ZFP41: variants seen among roughly 807,000 people sequenced by gnomAD.
The protein encoded by ZFP41 is ZFP41 zinc finger protein.
ZFP41 carries 10 observed loss-of-function variants against 11.6 expected under a neutral mutation model. The ratio of observed to expected loss-of-function variants is 0.86; its 90% confidence interval spans 0.53 to 1.47. ZFP41 has a LOEUF of 1.47. Ranked by LOEUF, ZFP41 falls within the 40% of genes most tolerant of loss-of-function variation. The pLI, the probability that ZFP41 is intolerant of heterozygous loss-of-function variation, is 0.00. For synonymous variants in ZFP41, 123 were observed against 100.9 expected, an observed-to-expected ratio of 1.22 and a Z score of -1.31; for missense variants, 302 against 264.6, an observed-to-expected ratio of 1.14 and a Z score of -0.98.
Position 143,260,695 on chromosome 8 carries a change from G to A in ZFP41, c.*1821G>A. 1.1e-5 allele frequency: 2 copies of A among 189,496 alleles called. No homozygotes were observed. The highest frequency in any genetic ancestry group is 2.2e-5 in the Non-Finnish European group (2 of 90,222). The allele number at this position is 189,496 out of a possible 1,614,324, so 11.7% of individuals were successfully genotyped here. A position where few individuals can be genotyped will look rare whatever the true frequency, so the allele number is the denominator to read the frequency against. On this transcript the variant is annotated 3_prime_UTR_variant, in exon 3 of 3. Transcript: ENST00000330701. ...GGCACCACCCTCCCAGCCTCACGCG[G>A]CCACCCTGACCAGCAGGCACCATCC...
At chr8:143,256,192 A>T (rs1460135147) in intron 2 of ZFP41, among the ~76,000 whole-genome samples, 1 of 129,560 alleles carries the variant, frequency 7.7e-6, no homozygotes, top group East Asian at 2.4e-4. Flanking sequence ...GGTGTTAGTG[A>T]GATCAGGGCT....
In ZFP41 at chr8:143,247,096, C is replaced by T. The variant is rs1038725200; in HGVS notation, c.-201C>T. ...CAGTCCTGGTAGGGCCCGGGCGCGT[C>T]CGCGCTCTGCAGCGGGAGGTCCTCG... On this transcript the variant is annotated 5_prime_UTR_variant, in exon 1 of 3. Coordinates refer to ENST00000330701, the MANE Select transcript of ZFP41 (RefSeq NM_173832.6). 3.9e-5 allele frequency: 6 copies of T among 152,358 alleles called. No individual in the cohort carries two copies. Among genetic ancestry groups the T allele is most frequent in the African/African-American group, 1.2e-4 (5 of 41,452 alleles). The allele number at this position is 152,358 out of a possible 1,614,324, so 9.4% of individuals were successfully genotyped here. A position where few individuals can be genotyped will look rare whatever the true frequency, so the allele number is the denominator to read the frequency against.
intron 2 of ZFP41, chr8:143,253,065 G>A (rs541818631): frequency 6.6e-6 from 1 of 152,432 alleles, no homozygotes; most frequent in East Asian, 1.9e-4. Flanking sequence ...CGTGTGACGT[G>A]TGATCCTGGA....
In ZFP41 at chr8:143,261,038, G is replaced by A. The variant is rs545099191; in HGVS notation, c.*2164G>A. 7 of 152,480 alleles carry A rather than the reference G, an allele frequency of 4.6e-5. No homozygotes were observed. The highest frequency in any genetic ancestry group is 1.9e-4 in the East Asian group (1 of 5,186). 9.4% of individuals were successfully genotyped at this position (152,480 alleles called of 1,614,324 possible). On this transcript the variant is annotated 3_prime_UTR_variant, in exon 3 of 3. Coordinates refer to ENST00000330701, the MANE Select transcript of ZFP41 (RefSeq NM_173832.6). ...GAGAGGGGTGCTCCCAGCCAGCCCC[G>A]GAACCAGAGGTCTGGGGACGCAGCC...
chr8:143,253,753 C>T (rs754506504), intron 2 of ZFP41, among the ~76,000 whole-genome samples: 1 of 152,120 alleles, frequency 6.6e-6, no homozygotes, highest in Non-Finnish European at 1.5e-5. Context: ...GGGGACAGAT[C>T]CCTCGAGAAT....
At position 143,250,373 on chromosome 8, in the gene ZFP41, G is replaced by A. The variant is rs1363966562; in HGVS notation, c.530G>A (p.Gly177Glu). 1 of 1,614,038 alleles carries A rather than the reference G, an allele frequency of 6.2e-7. No homozygotes were observed. Among genetic ancestry groups the A allele is most frequent in the Non-Finnish European group, 8.5e-7 (1 of 1,180,034 alleles). Residue 177 changes from glycine to glutamate, a missense_variant, in exon 2 of 3, where the codon GGG becomes GAG. By Grantham distance (98) the Gly-to-Glu change is moderately conservative. Transcript: ENST00000330701. The stretch of plus-strand genomic sequence containing the variant: ...AAGCCCTACGAATGCACGCACTGTG[G>A]GAAAGCCTTTGCCTACAGCTCCTGT... The part of the protein sequence containing the change: ...GEKPYECTHC[G>E]KAFAYSSCLI...
chr8:143,248,022 G>A (rs1449027890), intron 1 of ZFP41: 1 of 152,240 alleles, frequency 6.6e-6, no homozygotes, highest in Non-Finnish European at 1.5e-5. Context: ...GTTTCACCAT[G>A]TTGGCCAGGA....
At chr8:143,259,516 G>C (rs1264025782) in intron 2 of ZFP41, among the ~76,000 whole-genome samples, 1 of 152,166 alleles carries the variant, frequency 6.6e-6, no homozygotes, top group African/African-American at 2.4e-5. Context: ...AACGTTTTTA[G>C]AAAACAGGGA....
rs55705219 is a variant in ZFP41, at chr8:143,250,437, C to G, written c.594C>G (p.Pro198=). 1 of 1,608,574 alleles carries G rather than the reference C, an allele frequency of 6.2e-7. No individual in the cohort carries two copies. The highest frequency in any genetic ancestry group is 8.5e-7 in the Non-Finnish European group (1 of 1,176,840). The change falls in exon 2 of 3, where the codon CCC becomes CCG. Residue 198 remains proline (P), a synonymous_variant. Transcript: ENST00000330701. ...RHQKRHPRKK[P] ...AGAAACGCCACCCTCGGAAGAAGCC[C>G]TGAGCCGGGGCCATCTGCGGACTCG...
At position 143,251,204 on chromosome 8, in the gene ZFP41, C is replaced by T. The variant is rs1411646958; in HGVS notation, c.*764C>T. On this transcript the variant is annotated 3_prime_UTR_variant, in exon 2 of 3. Transcript: ENST00000330701. ...TTCCTCAGGACCTTGGACACCACCA[C>T]CTGCTGAGCTTCCCGTCCCAGCCAT... is the stretch of plus-strand genomic sequence containing the variant. 1 of 167,290 alleles carries T rather than the reference C, an allele frequency of 6.0e-6. No individual in the cohort carries two copies. The allele number at this position is 167,290 out of a possible 1,614,324, so 10.4% of individuals were successfully genotyped here. A position where few individuals can be genotyped will look rare whatever the true frequency, so the allele number is the denominator to read the frequency against.
chr8:143,255,693 C>T (rs1398805731), intron 2 of ZFP41, among the ~76,000 whole-genome samples: 11 of 128,480 alleles, frequency 8.6e-5, no homozygotes, highest in Admixed American at 8.5e-4. Flanking sequence ...GATCAGGGCT[C>T]GCCCCGCGTG....
chr8:143,262,073 C>A lies in ZFP41; in HGVS notation c.*3199C>A, dbSNP rs1420611564. 5.7e-6 allele frequency: 1 copy of A among 176,186 alleles called. No individual in the cohort carries two copies. The highest frequency in any genetic ancestry group is 1.2e-5 in the Non-Finnish European group (1 of 86,216). 10.9% of individuals were successfully genotyped at this position (176,186 alleles called of 1,614,324 possible). On this transcript the variant is annotated 3_prime_UTR_variant, in exon 3 of 3. Coordinates refer to ENST00000330701, the MANE Select transcript of ZFP41 (RefSeq NM_173832.6). ...CTCCGGCAGCCCCTGCCCGCGCCCGCACCTCTGCACCTCCCACGCCCCTCT... is the reference window on the plus strand; with the variant it reads ...CTCCGGCAGCCCCTGCCCGCGCCCGAACCTCTGCACCTCCCACGCCCCTCT...
chr8:143,250,595 T>C lies in ZFP41; in HGVS notation c.*155T>C, dbSNP rs1003514632. The stretch of plus-strand genomic sequence containing the variant: ...CCCGGAAAAGCAGCCCAGTCAGATG[T>C]GGGAACGTGCCAGCGAGGGAGAGAC... On this transcript the variant is annotated 3_prime_UTR_variant, in exon 2 of 3. Coordinates refer to ENST00000330701, the MANE Select transcript of ZFP41 (RefSeq NM_173832.6). The C allele has an allele frequency of 2.4e-6, 3 of 1,245,898 alleles. No individual in the cohort carries two copies. The highest frequency in any genetic ancestry group is 5.4e-5 in the Admixed American group (2 of 36,880). The allele number at this position is 1,245,898 out of a possible 1,614,324, so 77.2% of individuals were successfully genotyped here. A position where few individuals can be genotyped will look rare whatever the true frequency, so the allele number is the denominator to read the frequency against.
At chr8:143,248,220 T>G (rs899292781) in intron 1 of ZFP41, 1 of 152,160 alleles carries the variant, frequency 6.6e-6, no homozygotes, top group Non-Finnish European at 1.5e-5. Flanking sequence ...CAGCCTAAGT[T>G]GAGTCGACAG....
intron 2 of ZFP41, among the ~76,000 whole-genome samples, chr8:143,252,379 C>A (rs1814786809): frequency 6.6e-6 from 1 of 152,242 alleles, no homozygotes; most frequent in South Asian, 2.1e-4. Flanking sequence ...GCCATGCCCC[C>A]ATGGCATTGC....
rs7835511 is a variant in ZFP41, at chr8:143,257,351, G to C, written c.*901-2424G>C. 7.1e-4 allele frequency among the ~76,000 whole-genome samples: 108 copies of C among 152,350 alleles called. 1 individual carries two copies. Among genetic ancestry groups the C allele is most frequent in the African/African-American group, 2.5e-3 (103 of 41,586 alleles). On this transcript the variant is annotated intron_variant, in intron 2 of 2. Coordinates refer to ENST00000330701, the MANE Select transcript of ZFP41 (RefSeq NM_173832.6). ...CTACTAAAAATACAGAAGAAAATTA[G>C]CTGGGTGTGGTGGCGCATGCCTGTA... is the stretch of plus-strand genomic sequence containing the variant.
At position 143,250,295 on chromosome 8, in the gene ZFP41, C is replaced by T; in HGVS notation, c.452C>T (p.Ala151Val). The T allele has an allele frequency of 6.2e-7, 1 of 1,614,060 alleles. No homozygotes were observed. The highest frequency in any genetic ancestry group is 1.3e-5 in the African/African-American group (1 of 75,060). ...TTCAAATGCGGGGAGTGCGGGAAAG[C>T]CTTTAACTGCGGCTCCAATCTCCTG... ...KPFKCGECGK[A>V]FNCGSNLLKH... The change falls in exon 2 of 3, where the codon GCC (alanine) becomes GTC (valine). Residue 151 changes from alanine (A) to valine (V), a missense_variant. By Grantham distance (64) the Ala-to-Val change is moderately conservative. Transcript: ENST00000330701.
intron 2 of ZFP41, chr8:143,253,372 C>A (rs1380376867): frequency 6.6e-6 from 1 of 152,186 alleles, no homozygotes; most frequent in Non-Finnish European, 1.5e-5. Flanking sequence ...CACGCTTCTC[C>A]GATGAAGGGT....
At chr8:143,248,070 G>A (rs1370803598) in intron 1 of ZFP41, 5 of 152,098 alleles carry the variant, frequency 3.3e-5, no homozygotes, top group Non-Finnish European at 5.9e-5. Context: ...CGCCCACCTC[G>A]GCCTCCCAAA....
Sources: gnomAD v4.1 joint callset for allele counts (sites outside exome capture counted in the v4.1 genomes callset) on GRCh38, gnomAD v4.1.1 for gene constraint, MANE v1.5 for transcripts, NCBI Gene and HGNC (gene_info 2026-07-23, HGNC 2026-07-21) for gene names.